Variants in DISC1 observed in about 807,000 individuals in gnomAD.
The protein encoded by DISC1 is DISC1 scaffold protein.
Under a neutral mutation model 84.5 loss-of-function variants are expected in DISC1, and 57 were observed. The observed-to-expected ratio is 0.67, with a 90% CI of 0.55 to 0.84. The LOEUF (loss-of-function observed/expected upper bound fraction) is 0.84, where lower values mean the gene tolerates loss of function less well. Ranked by LOEUF, DISC1 falls within the 40% of genes least tolerant of loss-of-function variation. The pLI, the probability that DISC1 is intolerant of heterozygous loss-of-function variation, is 0.00. For synonymous variants in DISC1, 411 were observed against 415.2 expected (o/e 0.99, Z 0.12); for missense variants, 1,000 against 1,057.8 (o/e 0.95, Z 0.76).
intron 3 of DISC1, chr1:231,722,513 A>G: frequency 6.2e-7 from 1 of 1,614,158 alleles, no homozygotes; most frequent in Admixed American, 1.7e-5. Context: ...CATTCCACTC[A>G]GAGGTATTCA....
At chr1:231,984,973 G>C (rs1664195378) in intron 10 of DISC1, among the ~76,000 whole-genome samples, 1 of 152,076 alleles carries the variant, frequency 6.6e-6, no homozygotes, top group Non-Finnish European at 1.5e-5. Context: ...CTAGTTTCAT[G>C]ATCTTGGTCA....
At chr1:231,707,688 G>T (rs1281811915) in intron 3 of DISC1, among the ~76,000 whole-genome samples, 2 of 151,012 alleles carry the variant, frequency 1.3e-5, no homozygotes, top group Non-Finnish European at 3.0e-5. Flanking sequence ...CCAAGTAAAA[G>T]AAATGCATTT....
At chr1:231,939,060 C>T (rs909178702) in intron 9 of DISC1, among the ~76,000 whole-genome samples, 1 of 152,184 alleles carries the variant, frequency 6.6e-6, no homozygotes, top group Non-Finnish European at 1.5e-5. Context: ...TACACGTAAT[C>T]GTCCTTTATG....
intron 9 of DISC1, among the ~76,000 whole-genome samples, chr1:231,892,038 G>A (rs1469412161): frequency 6.6e-6 from 1 of 152,116 alleles, no homozygotes; most frequent in Admixed American, 6.5e-5. Flanking sequence ...CAAAGAGAAA[G>A]TCCCTGCTTG....
intron 6 of DISC1, among the ~76,000 whole-genome samples, chr1:231,783,189 G>T (rs911087266): frequency 6.6e-6 from 1 of 151,958 alleles, no homozygotes; most frequent in East Asian, 1.9e-4. Flanking sequence ...TGGGGGTGGG[G>T]GAAAGCTCTA....
rs184437246 is a variant in DISC1 at position 231,702,574 on chromosome 1, C to T, written c.1117+550C>T. ...TTTCCACATACATGGCCTAAAATAC[C>T]CAAGAGAAAAAGAAGTTACAACATT... On this transcript the variant is annotated intron_variant, in intron 3 of 12. Transcript: ENST00000439617. 29 of 985,006 alleles carry T rather than the reference C, an allele frequency of 2.9e-5. No individual in the cohort carries two copies. In the African/African-American group the frequency reaches 4.9e-4, roughly 17 times the overall value. The allele number at this position is 985,006 out of a possible 1,614,324, so 61.0% of individuals were successfully genotyped here.
chr1:231,935,001 A>G (rs2090892404), intron 9 of DISC1, among the ~76,000 whole-genome samples: 1 of 152,230 alleles, frequency 6.6e-6, no homozygotes, highest in Non-Finnish European at 1.5e-5. Flanking sequence ...CCAGAGAGAT[A>G]AATGACATAG....
intron 3 of DISC1, chr1:231,722,886 A>G: frequency 2.9e-6 from 4 of 1,363,944 alleles, no homozygotes; most frequent in Non-Finnish European, 3.8e-6. Context: ...AAAAACCGCT[A>G]TTGTTCTGTG....
At position 231,907,131 on chromosome 1, in the gene DISC1, C is replaced by CTTTTTCTT. The variant is rs1334782802; in HGVS notation, c.1982-51696_1982-51695insTTTTCTTT. ...CTCTCCTTCCTTCCTTCCTTCCTTC[C>CTTTTTCTT]TCTTTCTTTCTTTCTTTCTTTCTTT... On this transcript the variant is annotated intron_variant, in intron 9 of 12. Transcript: ENST00000439617. Among the ~76,000 whole-genome samples the CTTTTTCTT allele has an allele frequency of 3.1e-4, 29 of 93,206 alleles. 1 individual carries two copies. The highest frequency in any genetic ancestry group is 1.1e-3 in the East Asian group (3 of 2,750). 61.1% of individuals were successfully genotyped at this position (93,206 alleles called of 152,430 possible).
chr1:231,639,351 G>C (rs534755086), intron 1 of DISC1, among the ~76,000 whole-genome samples: 1 of 152,316 alleles, frequency 6.6e-6, no homozygotes, highest in South Asian at 2.1e-4. Flanking sequence ...GACTGATGAA[G>C]CATGGGGCAC....
chr1:231,920,087 C>T (rs2089904680), intron 9 of DISC1, among the ~76,000 whole-genome samples: 1 of 152,120 alleles, frequency 6.6e-6, no homozygotes, highest in Non-Finnish European at 1.5e-5. Context: ...GCTAGTGCCT[C>T]CCCTCCCCCA....
intron 3 of DISC1, among the ~76,000 whole-genome samples, chr1:231,708,181 G>A (rs1190784892): frequency 4.6e-5 from 7 of 152,154 alleles, no homozygotes; most frequent in Admixed American, 4.6e-4. Flanking sequence ...GTTTCTTTGA[G>A]GGTATTTCCG....
chr1:231,960,106 G>GTTTGT (rs2102762226), intron 10 of DISC1, among the ~76,000 whole-genome samples: 1 of 152,186 alleles, frequency 6.6e-6, no homozygotes, highest in East Asian at 1.9e-4. Flanking sequence ...TTTCTGTTCA[G>GTTTGT]TTTGTTTTGT....
intron 1 of DISC1, among the ~76,000 whole-genome samples, chr1:231,688,378 A>G (rs1194399078): frequency 6.6e-6 from 1 of 152,226 alleles, no homozygotes; most frequent in Non-Finnish European, 1.5e-5. Flanking sequence ...TTCTGAGTTC[A>G]AACTGACTAA....
At chr1:231,813,321 AAC>A (rs919901434) in intron 8 of DISC1, 11 of 152,210 alleles carry the variant, frequency 7.2e-5, no homozygotes, top group African/African-American at 2.7e-4. Flanking sequence ...CTTGGTTGAA[AAC>A]ACAGCCCAGA....
At chr1:231,626,989 G>T in intron 1 of DISC1, 55 bp downstream of exon 1, 1 of 1,253,290 alleles carries the variant, frequency 8.0e-7, no homozygotes, top group Non-Finnish European at 1.1e-6. Context: ...TGGCAAGGAG[G>T]GCGCGCTCTG....
intron 9 of DISC1, among the ~76,000 whole-genome samples, chr1:231,851,202 T>C (rs2083873036): frequency 6.6e-6 from 1 of 152,196 alleles, no homozygotes; most frequent in Non-Finnish European, 1.5e-5. Context: ...AGCTTCTGAG[T>C]ATATTTTTTA....
chr1:231,912,773 C>A lies in DISC1; in HGVS notation c.1982-46055C>A, dbSNP rs552055370. On this transcript the variant is annotated intron_variant, in intron 9 of 12. Transcript: ENST00000439617. Reference sequence around the variant, plus strand: ...TCTTTCTTTCTTTCTTTCTTTCTTTCTTTCTTTCTTTCTTTCTTTCTTTCT... The same window carrying A: ...TCTTTCTTTCTTTCTTTCTTTCTTTATTTCTTTCTTTCTTTCTTTCTTTCT... Among the ~76,000 whole-genome samples, 381 of 144,962 alleles carry A rather than the reference C, an allele frequency of 2.6e-3. 3 individuals carry two copies. The highest frequency in any genetic ancestry group is 9.0e-3 in the African/African-American group (360 of 40,144).
chr1:231,658,468 A>G (rs1312057079), intron 1 of DISC1, among the ~76,000 whole-genome samples: 2 of 152,066 alleles, frequency 1.3e-5, no homozygotes, highest in Non-Finnish European at 2.9e-5. Context: ...AACACCCTTT[A>G]TTTTGTTCTC....
Sources: gnomAD v4.1 joint callset for allele counts (sites outside exome capture counted in the v4.1 genomes callset) on GRCh38, gnomAD v4.1.1 for gene constraint, MANE v1.5 for transcripts, NCBI Gene and HGNC (gene_info 2026-07-23, HGNC 2026-07-21) for gene names.